The following ICE2 variants were observed in gnomAD, a reference collection of about 807,000 sequenced individuals.
ICE2 encodes little elongation complex subunit 2.
A neutral mutation model predicts 105.4 loss-of-function variants in ICE2; 87 were observed. That is an observed-to-expected ratio of 0.83 (90% confidence interval 0.69 to 0.99). The LOEUF is 0.99. Ranked by LOEUF, ICE2 falls within the 50% of genes least tolerant of loss-of-function variation. The pLI is 0.00. For synonymous variants in ICE2, 399 were observed against 392.0 expected (o/e 1.02, Z -0.21); for missense variants, 1,323 against 1,146.7 (o/e 1.15, Z -2.22).
chr15:60,446,521 A>G (rs1299782241), intron 11 of ICE2, among the ~76,000 whole-genome samples: 2 of 152,034 alleles, frequency 1.3e-5, no homozygotes, highest in Non-Finnish European at 2.9e-5. Flanking sequence ...TCAGCCTCCC[A>G]CGTAGCTGGG....
intron 11 of ICE2, 154 bp from the exon 12 acceptor site, chr15:60,442,699 C>T (rs903850071): frequency 1.8e-6 from 1 of 544,432 alleles, no homozygotes; most frequent in South Asian, 3.0e-5. Context: ...AAGATGGATA[C>T]ATTCAGGCCT....
chr15:60,448,626 G>GTTAGA (rs2063880649), intron 10 of ICE2, among the ~76,000 whole-genome samples: 1 of 152,106 alleles, frequency 6.6e-6, no homozygotes, highest in South Asian at 2.1e-4. Flanking sequence ...CACTGTACAT[G>GTTAGA]TTAGATAAAC....
chr15:60,424,052 T>C (rs2063285822), intron 15 of ICE2, among the ~76,000 whole-genome samples: 3 of 152,056 alleles, frequency 2.0e-5, no homozygotes, highest in Admixed American at 6.5e-5. Context: ...AAAGATAAAT[T>C]AGAAATCAAG....
intron 12 of ICE2, among the ~76,000 whole-genome samples, chr15:60,436,912 C>T (rs1337599003): frequency 6.6e-6 from 1 of 151,962 alleles, no homozygotes; most frequent in Non-Finnish European, 1.5e-5. Context: ...GGCTAAGACA[C>T]ACTTGGCTCT....
At chr15:60,473,263 T>TGTGA (rs996985178) in intron 3 of ICE2, among the ~76,000 whole-genome samples, 2 of 151,984 alleles carry the variant, frequency 1.3e-5, no homozygotes, top group African/African-American at 2.4e-5. Flanking sequence ...TGTGTGTGTG[T>TGTGA]GTGAGTGAGT....
intron 15 of ICE2, among the ~76,000 whole-genome samples, chr15:60,426,786 A>G (rs1348198240): frequency 6.6e-6 from 1 of 152,232 alleles, no homozygotes; most frequent in African/African-American, 2.4e-5. Flanking sequence ...TCCCACACAG[A>G]ATTACATGTT....
chr15:60,460,107 C>G (rs1344641544), intron 5 of ICE2, among the ~76,000 whole-genome samples: 2 of 152,066 alleles, frequency 1.3e-5, no homozygotes, highest in Non-Finnish European at 2.9e-5. Flanking sequence ...GTAAAGAACC[C>G]ATGATCTCAG....
chr15:60,431,035 C>A (rs1159144043), intron 14 of ICE2, among the ~76,000 whole-genome samples: 9 of 152,146 alleles, frequency 5.9e-5, no homozygotes, highest in African/African-American at 2.2e-4. Flanking sequence ...CAAAACCCAG[C>A]TAATTTTTTT....
At chr15:60,434,520 T>TACTC (rs1555408383) in intron 13 of ICE2, among the ~76,000 whole-genome samples, 2 of 144,824 alleles carry the variant, frequency 1.4e-5, no homozygotes, top group African/African-American at 2.7e-5. Context: ...AAAATGTGAT[T>TACTC]ACACACACAC....
intron 12 of ICE2, chr15:60,440,511 A>T (rs780629459): frequency 6.6e-6 from 1 of 152,184 alleles, no homozygotes; most frequent in Non-Finnish European, 1.5e-5. Context: ...CAAACAAATC[A>T]CAAGTGTGTT....
At chr15:60,473,253 T>C (rs760302688) in intron 3 of ICE2, among the ~76,000 whole-genome samples, 50 of 151,592 alleles carry the variant, frequency 3.3e-4, no homozygotes, top group Non-Finnish European at 5.6e-4. Flanking sequence ...CAAGATTATT[T>C]GTGTGTGTGT....
At chr15:60,474,354 T>C (rs975095672) in intron 3 of ICE2, among the ~76,000 whole-genome samples, 2 of 152,134 alleles carry the variant, frequency 1.3e-5, no homozygotes, top group South Asian at 2.1e-4. Flanking sequence ...CCACTGACAG[T>C]TTATCCTACT....
chr15:60,444,389 C>T (rs1361800199), intron 11 of ICE2, among the ~76,000 whole-genome samples: 1 of 152,004 alleles, frequency 6.6e-6, no homozygotes, highest in Non-Finnish European at 1.5e-5. Context: ...AAAAAAAAGG[C>T]CTGAACATTT....
At chr15:60,457,060 C>T (rs1169480337) in intron 5 of ICE2, among the ~76,000 whole-genome samples, 1 of 151,968 alleles carries the variant, frequency 6.6e-6, no homozygotes, top group African/African-American at 2.4e-5. Flanking sequence ...ATTTAAGAAA[C>T]TGTTAAAGGC....
At chr15:60,468,706 A>C (rs982218953) in intron 3 of ICE2, among the ~76,000 whole-genome samples, 3 of 152,212 alleles carry the variant, frequency 2.0e-5, no homozygotes, top group African/African-American at 7.2e-5. Context: ...TTTATCAGTT[A>C]ATATGGTGAA....
rs915075222 is a variant in ICE2, at chr15:60,420,429, C to T, written c.*3205G>A. ...CAACATTTCTTCTTTCGCTTCCCAG[C>T]TCCATCGCATTCTCTAGACTAATGC... On this transcript the variant is annotated 3_prime_UTR_variant, in exon 16 of 16. Transcript: ENST00000261520. 6.6e-6 allele frequency: 1 copy of T among 152,222 alleles called. No homozygotes were observed. Among genetic ancestry groups the T allele is most frequent in the African/African-American group, 2.4e-5 (1 of 41,452 alleles). The allele number at this position is 152,222 out of a possible 1,614,324, so 9.4% of individuals were successfully genotyped here.
intron 12 of ICE2, among the ~76,000 whole-genome samples, chr15:60,436,737 A>AAAAAAAG (rs1445939087): frequency 1.3e-5 from 2 of 151,070 alleles, no homozygotes; most frequent in Non-Finnish European, 1.5e-5. Context: ...AAAAAAAAAA[A>AAAAAAAG]AAAGAAAGTT....
At position 60,468,209 on chromosome 15, in the gene ICE2, A is replaced by G. The variant is rs867931976; in HGVS notation, c.260T>C (p.Leu87Pro). Residue 87 changes from leucine (L) to proline (P), a missense_variant, in exon 4 of 16, where the codon CTT (leucine) becomes CCT (proline). By Grantham distance (98) the Leu-to-Pro change is moderately conservative. Transcript: ENST00000261520. ...AGGATAAGGAACTCTTGGTTTTGGA[A>G]GAAGAACCATTCCAATTGTGGTTTT... ...KVKTTIGMVL[L>P]PKPRVPYPRF... is the part of the protein sequence containing the mutation. 1 of 1,613,868 alleles carries G rather than the reference A, an allele frequency of 6.2e-7. No homozygotes were observed. Among genetic ancestry groups the G allele is most frequent in the South Asian group, 1.1e-5 (1 of 91,082 alleles).
At chr15:60,432,594 C>G (rs2063486546) in intron 13 of ICE2, among the ~76,000 whole-genome samples, 1 of 151,106 alleles carries the variant, frequency 6.6e-6, no homozygotes, top group Admixed American at 6.6e-5. Flanking sequence ...AAATTATATA[C>G]TTAAAAAAAA....
Sources: gnomAD v4.1 joint callset for allele counts (sites outside exome capture counted in the v4.1 genomes callset) on GRCh38, gnomAD v4.1.1 for gene constraint, MANE v1.5 for transcripts, NCBI Gene and HGNC (gene_info 2026-07-23, HGNC 2026-07-21) for gene names.